The following ACTN2 variants were observed in gnomAD, a reference collection of about 807,000 sequenced individuals.
The protein encoded by ACTN2 is alpha-actinin-2.
A neutral mutation model predicts 113.8 loss-of-function variants in ACTN2; 39 were observed. The ratio of observed to expected loss-of-function variants is 0.34; its 90% CI spans 0.27 to 0.45. The LOEUF (loss-of-function observed/expected upper bound fraction) is 0.45, where lower values mean the gene tolerates loss of function less well. Ranked by LOEUF, ACTN2 falls within the 20% of genes least tolerant of loss-of-function variation. The pLI is 1.00. For missense variants in ACTN2, 992 were observed against 1,177.9 expected, an observed-to-expected ratio of 0.84 and a Z score of 2.31; for synonymous variants, 429 against 444.1, an observed-to-expected ratio of 0.97 and a Z score of 0.43.
intron 2 of ACTN2, 43 bp from the exon 3 acceptor site, chr1:236,718,851 G>A: frequency 6.2e-7 from 1 of 1,613,964 alleles, no homozygotes; most frequent in Non-Finnish European, 8.5e-7. Context: ...GCATCAAGAG[G>A]TCACTGTCTC....
intron 1 of ACTN2, among the ~76,000 whole-genome samples, chr1:236,690,656 C>A: frequency 6.6e-6 from 1 of 152,226 alleles, no homozygotes; most frequent in Non-Finnish European, 1.5e-5. Context: ...CCTTGTGCGC[C>A]GAATATTTGT....
At chr1:236,698,620 G>T (rs1321638160) in intron 1 of ACTN2, among the ~76,000 whole-genome samples, 1 of 152,012 alleles carries the variant, frequency 6.6e-6, no homozygotes, top group African/African-American at 2.4e-5. Context: ...TGCATATTTG[G>T]CCTTTCATGT....
At chr1:236,736,790 C>A in intron 8 of ACTN2, 1 of 682,226 alleles carries the variant, frequency 1.5e-6, no homozygotes, top group Non-Finnish European at 2.4e-6. Context: ...CATTCAGGGA[C>A]CCAAGATCTT....
At chr1:236,695,437 A>G (rs1657461737) in intron 1 of ACTN2, among the ~76,000 whole-genome samples, 1 of 151,528 alleles carries the variant, frequency 6.6e-6, no homozygotes, top group Non-Finnish European at 1.5e-5. Context: ...AAGAACATCA[A>G]TAATTGGAAT....
chr1:236,686,554 C>G lies in ACTN2; in HGVS notation c.-120C>G. ...CCAGGCGTGTCGCCCCGAGAGGAGC[C>G]GCGCGAAGGTCACCCCGCGCCCGCC... On this transcript the variant is annotated 5_prime_UTR_variant, in exon 1 of 21. Coordinates refer to ENST00000366578, the MANE Select transcript of ACTN2 (RefSeq NM_001103.4). The G allele has an allele frequency of 8.4e-7, 1 of 1,195,564 alleles. No homozygotes were observed. The highest frequency in any genetic ancestry group is 1.1e-6 in the Non-Finnish European group (1 of 932,844). The allele number at this position is 1,195,564 out of a possible 1,614,324, so 74.1% of individuals were successfully genotyped here.
intron 15 of ACTN2, 52 bp downstream of exon 15, chr1:236,751,704 G>T (rs1438465447): frequency 1.2e-6 from 2 of 1,608,186 alleles, no homozygotes; most frequent in Admixed American, 1.7e-5. Flanking sequence ...TGAAGCTGAC[G>T]TCGAAGGAGG....
intron 1 of ACTN2, 89 bp from the exon 2 acceptor site, chr1:236,717,769 A>G (rs1437062571): frequency 3.4e-6 from 3 of 887,970 alleles, no homozygotes; most frequent in Non-Finnish European, 5.6e-6. Context: ...TAGATTCCCA[A>G]GAACGTGTAA....
intron 1 of ACTN2, among the ~76,000 whole-genome samples, chr1:236,709,708 C>A (rs1657969322): frequency 6.6e-6 from 1 of 152,070 alleles, no homozygotes; most frequent in South Asian, 2.1e-4. Context: ...ACCTGACAGA[C>A]AATGCTGTCT....
At chr1:236,709,310 AT>A (rs1657944471) in intron 1 of ACTN2, among the ~76,000 whole-genome samples, 1 of 141,158 alleles carries the variant, frequency 7.1e-6, no homozygotes, top group Non-Finnish European at 1.5e-5. Flanking sequence ...ATATATACGT[AT>A]ATATGTATAT....
chr1:236,754,107 G>T lies in ACTN2; in HGVS notation c.1974+26G>T, dbSNP rs373710123. On this transcript the variant is annotated intron_variant, in intron 16 of 20. Coordinates refer to ENST00000366578, the MANE Select transcript of ACTN2 (RefSeq NM_001103.4). The surrounding 1 kb of genome is among the most constrained non-coding windows in gnomAD (Gnocchi z 4.9). ...GTAAGCCAGCGCCCTCCCAGGCGCT[G>T]TTCACAAGCCTTGCGATAAGTCCCT... 9 of 1,612,672 alleles carry T rather than the reference G, an allele frequency of 5.6e-6. No homozygotes were observed. The highest frequency in any genetic ancestry group is 7.6e-6 in the Non-Finnish European group (9 of 1,180,028).
At chr1:236,710,755 G>C (rs1166351443) in intron 1 of ACTN2, among the ~76,000 whole-genome samples, 3 of 152,126 alleles carry the variant, frequency 2.0e-5, no homozygotes, top group African/African-American at 7.2e-5. Flanking sequence ...TCAGATCAGC[G>C]GCAGCATCAG....
intron 1 of ACTN2, among the ~76,000 whole-genome samples, chr1:236,692,818 A>G (rs1410710234): frequency 6.6e-6 from 1 of 152,126 alleles, no homozygotes; most frequent in Admixed American, 6.6e-5. Flanking sequence ...GGAGGAATAT[A>G]ACTCTTAGCA....
chr1:236,717,163 A>C (rs989567576), intron 1 of ACTN2, among the ~76,000 whole-genome samples: 15 of 150,270 alleles, frequency 1.0e-4, no homozygotes. Context: ...CATTATTTAG[A>C]CTGGGCATGG....
Position 236,725,951 on chromosome 1 carries a change from G to A in ACTN2, c.467G>A (p.Gly156Asp). The change falls in exon 5 of 21, where the codon GGT becomes GAT. Residue 156 changes from glycine (G) to aspartate (D), a missense_variant. By Grantham distance (94) the Gly-to-Asp change is moderately conservative (BLOSUM62 -1). This residue lies in a region of ACTN2 where 220 missense variants were observed against 337.5 expected (regional missense o/e 0.65). Transcript: ENST00000366578. Reference sequence around the variant, plus strand: ...ATTACAGAAACATCTGCCAAAGAAGGTCTGCTGCTTTGGTGTCAGAGGAAA... The same window carrying A: ...ATTACAGAAACATCTGCCAAAGAAGATCTGCTGCTTTGGTGTCAGAGGAAA... ...ISVEETSAKE[G>D]LLLWCQRKTA... 6.2e-7 allele frequency: 1 copy of A among 1,614,204 alleles called. No individual in the cohort carries two copies.
chr1:236,715,422 T>C (rs542166349), intron 1 of ACTN2, among the ~76,000 whole-genome samples: 1 of 151,344 alleles, frequency 6.6e-6, no homozygotes, highest in South Asian at 2.1e-4. Context: ...CTTATCATAA[T>C]CTTACCTTCA....
At chr1:236,747,908 A>T (rs192352879) in intron 13 of ACTN2, 133 bp downstream of exon 13, 1 of 725,670 alleles carries the variant, frequency 1.4e-6, no homozygotes, top group East Asian at 2.7e-5. Flanking sequence ...TAAAGAAAAC[A>T]TGAAAAGTGG....
chr1:236,754,620 C>T lies in ACTN2; in HGVS notation c.1975-399C>T, dbSNP rs1468926436. Among the ~76,000 whole-genome samples the T allele has an allele frequency of 2.0e-5, 3 of 152,132 alleles. No individual in the cohort carries two copies. Among genetic ancestry groups the T allele is most frequent in the Non-Finnish European group, 4.4e-5 (3 of 68,016 alleles). On this transcript the variant is annotated intron_variant, in intron 16 of 20. Transcript: ENST00000366578. The surrounding 1 kb of genome is among the most constrained non-coding windows in gnomAD (Gnocchi z 4.9). ...AGACCATGTAAAAATATAAGAAATT[C>T]TGATGGAGGAAGCATCCCGTGGGTC...
At chr1:236,693,944 T>C (rs1657381276) in intron 1 of ACTN2, among the ~76,000 whole-genome samples, 1 of 152,204 alleles carries the variant, frequency 6.6e-6, no homozygotes, top group South Asian at 2.1e-4. Flanking sequence ...ACCACCCCAG[T>C]ATCCCTGCTG....
At chr1:236,742,338 T>G (rs1437997254) in intron 10 of ACTN2, among the ~76,000 whole-genome samples, 2 of 152,162 alleles carry the variant, frequency 1.3e-5, no homozygotes, top group African/African-American at 2.4e-5. Context: ...TAGTGCCTGG[T>G]ACATGCTAGA....
Sources: gnomAD v4.1 joint callset for allele counts (sites outside exome capture counted in the v4.1 genomes callset) on GRCh38, gnomAD v4.1.1 for gene constraint, gnomAD v4.1.1 regional missense constraint, Gnocchi (gnomAD v3.1) non-coding constraint, MANE v1.5 for transcripts, NCBI Gene and HGNC (gene_info 2026-07-23, HGNC 2026-07-21) for gene names.